UGT1A8: variants seen among roughly 807,000 people sequenced by gnomAD.
UGT1A8 encodes UDP-glucuronosyltransferase 1A8.
Under a neutral mutation model 45.3 loss-of-function variants are expected in UGT1A8, and 39 were observed. That is an observed-to-expected ratio of 0.86 (90% CI 0.67 to 1.12). The LOEUF (loss-of-function observed/expected upper bound fraction) is 1.12. Ranked by LOEUF, UGT1A8 falls within the 50% of genes most tolerant of loss-of-function variation. The pLI, the probability that UGT1A8 is intolerant of heterozygous loss-of-function variation, is 0.00. For missense variants in UGT1A8, 719 were observed against 664.9 expected (o/e 1.08, Z -0.90); for synonymous variants, 275 against 249.2 (o/e 1.10, Z -0.97).
intron 1 of UGT1A8, among the ~76,000 whole-genome samples, chr2:233,643,227 A>G (rs528322254): frequency 6.6e-6 from 1 of 152,270 alleles, no homozygotes; most frequent in South Asian, 2.1e-4. Context: ...TCCACCTGGT[A>G]TTTTATTGTA....
At chr2:233,700,978 T>G (rs2075603422) in intron 1 of UGT1A8, among the ~76,000 whole-genome samples, 1 of 152,172 alleles carries the variant, frequency 6.6e-6, no homozygotes, top group Admixed American at 6.5e-5. Context: ...TGTTTGATTT[T>G]TTGTCCTTGC....
chr2:233,735,645 G>C (rs1395226137), intron 1 of UGT1A8, among the ~76,000 whole-genome samples: 1 of 152,164 alleles, frequency 6.6e-6, no homozygotes, highest in Admixed American at 6.5e-5. Flanking sequence ...GCAGTGGCTG[G>C]TACTGGTGTT....
chr2:233,655,437 A>T (rs921000942), intron 1 of UGT1A8, among the ~76,000 whole-genome samples: 3 of 152,162 alleles, frequency 2.0e-5, no homozygotes, highest in Non-Finnish European at 4.4e-5. Flanking sequence ...TGGCCACATC[A>T]TTAGCAGATT....
intron 1 of UGT1A8, chr2:233,649,060 T>A (rs1381712904): frequency 1.1e-6 from 1 of 947,376 alleles, no homozygotes; most frequent in African/African-American, 1.7e-5. Flanking sequence ...ATTAAAAGTA[T>A]TCTGGATTTG....
chr2:233,726,048 C>T (rs2077495587), intron 1 of UGT1A8, among the ~76,000 whole-genome samples: 1 of 152,078 alleles, frequency 6.6e-6, no homozygotes, highest in African/African-American at 2.4e-5. Context: ...CACCTGTGGT[C>T]CCAGCTACTC....
At position 233,724,363 on chromosome 2, in the gene UGT1A8, CG is replaced by C. The variant is rs1443552589; in HGVS notation, c.856-42667del. On this transcript the variant is annotated intron_variant, in intron 1 of 4. Transcript: ENST00000373450. Reference sequence around the variant, plus strand: ...TGACCCCCCCCACCTCCCTCCCGGACGGGGTGGCTGCCGGGCGGAGACGCTC... The same window carrying C: ...TGACCCCCCCCACCTCCCTCCCGGACGGGTGGCTGCCGGGCGGAGACGCTC... Among the ~76,000 whole-genome samples the C allele has an allele frequency of 1.2e-4, 16 of 136,858 alleles. 1 individual carries two copies. The highest frequency in any genetic ancestry group is 2.1e-4 in the Non-Finnish European group (13 of 62,642). 89.8% of individuals were successfully genotyped at this position (136,858 alleles called of 152,430 possible). A position where few individuals can be genotyped will look rare whatever the true frequency, so the allele number is the denominator to read the frequency against.
At chr2:233,681,628 A>G (rs1311790915) in intron 1 of UGT1A8, among the ~76,000 whole-genome samples, 2 of 151,968 alleles carry the variant, frequency 1.3e-5, no homozygotes, top group Non-Finnish European at 2.9e-5. Context: ...TTATCTTTCA[A>G]TGTCGTCAAG....
At chr2:233,697,854 T>A (rs1429230679) in intron 1 of UGT1A8, among the ~76,000 whole-genome samples, 1 of 152,198 alleles carries the variant, frequency 6.6e-6, no homozygotes, top group Non-Finnish European at 1.5e-5. Flanking sequence ...TAAGCAAAAG[T>A]TATGCATTTA....
At chr2:233,679,964 A>G (rs370640382) in intron 1 of UGT1A8, among the ~76,000 whole-genome samples, 1 of 152,194 alleles carries the variant, frequency 6.6e-6, no homozygotes, top group East Asian at 1.9e-4. Context: ...TCCTGCTGGC[A>G]TAGCTGCAGC....
At chr2:233,669,727 G>A (rs539499315) in intron 1 of UGT1A8, among the ~76,000 whole-genome samples, 109 of 152,042 alleles carry the variant, frequency 7.2e-4, no homozygotes, top group Non-Finnish European at 1.4e-3. Flanking sequence ...TGTTTTGCCC[G>A]GGCTGGAGTA....
chr2:233,736,376 CT>C (rs2078756074), intron 1 of UGT1A8, among the ~76,000 whole-genome samples: 1 of 152,200 alleles, frequency 6.6e-6, no homozygotes, highest in Non-Finnish European at 1.5e-5. Context: ...CATTTAAGGT[CT>C]TCTCTACAGT....
intron 1 of UGT1A8, among the ~76,000 whole-genome samples, chr2:233,696,257 G>A (rs6751673): frequency 0.36 from 54,459 of 152,012 alleles, 10,384 homozygotes; most frequent in African/African-American, 0.49. Flanking sequence ...GCACACATCA[G>A]TGAATGAATG....
In UGT1A8 at chr2:233,755,096, G is replaced by C. The variant is rs62191920; in HGVS notation, c.856-11938G>C. 1.4e-3 allele frequency: 1,898 copies of C among 1,334,450 alleles called. 9 individuals are homozygous for C. The highest frequency in any genetic ancestry group is 1.7e-3 in the Non-Finnish European group (1,703 of 992,024). 82.7% of individuals were successfully genotyped at this position (1,334,450 alleles called of 1,614,324 possible). A position where few individuals can be genotyped will look rare whatever the true frequency, so the allele number is the denominator to read the frequency against. ...GGTCATAGATATCGCGTTTCTACGC[G>C]TCCGACAACACCTCGTAGGCCTCAG... On this transcript the variant is annotated intron_variant, in intron 1 of 4. Transcript: ENST00000373450.
rs371746067 is a variant in UGT1A8, at chr2:233,749,430, ACT to A, written c.856-17603_856-17602del. On this transcript the variant is annotated intron_variant, in intron 1 of 4. Transcript: ENST00000373450. ...TGTTAACTACATTGCTCAAAACTTC[ACT>A]GTCATCTCAGTGGAGCAGAACGAAT... Among the ~76,000 whole-genome samples, 11 of 151,874 alleles carry A rather than the reference ACT, an allele frequency of 7.2e-5. No individual in the cohort carries two copies. In the East Asian group the frequency reaches 1.7e-3, roughly 24 times the overall value.
intron 1 of UGT1A8, chr2:233,741,829 T>C (rs1473126770): frequency 6.6e-6 from 1 of 151,946 alleles, no homozygotes; most frequent in African/African-American, 2.4e-5. Context: ...GCCTATCCAG[T>C]TCAGTTGCCT....
At chr2:233,756,950 A>C (rs1419831234) in intron 1 of UGT1A8, among the ~76,000 whole-genome samples, 3 of 152,034 alleles carry the variant, frequency 2.0e-5, no homozygotes, top group Admixed American at 2.0e-4. Flanking sequence ...TGAAACCCGG[A>C]CTTGGCACTT....
At chr2:233,661,682 T>TCTTTCTTTCTTTCTTTC (rs1559329471) in intron 1 of UGT1A8, among the ~76,000 whole-genome samples, 1 of 150,256 alleles carries the variant, frequency 6.7e-6, no homozygotes, top group Admixed American at 6.7e-5. Context: ...TTTCTTTCTT[T>TCTTTCTTTCTTTCTTTC]TTAAACAAAG....
At chr2:233,757,303 G>A (rs1346705101) in intron 1 of UGT1A8, among the ~76,000 whole-genome samples, 3 of 111,204 alleles carry the variant, frequency 2.7e-5, no homozygotes, top group African/African-American at 6.7e-5. Flanking sequence ...GGGGTTGGGG[G>A]ACAGGGGGGC....
chr2:233,641,766 C>T (rs1012874860), intron 1 of UGT1A8, among the ~76,000 whole-genome samples: 4 of 152,176 alleles, frequency 2.6e-5, no homozygotes. Flanking sequence ...AGGATATTTT[C>T]ACCAGATATA....
Sources: gnomAD v4.1 joint callset for allele counts (sites outside exome capture counted in the v4.1 genomes callset) on GRCh38, gnomAD v4.1.1 for gene constraint, MANE v1.5 for transcripts, NCBI Gene and HGNC (gene_info 2026-07-23, HGNC 2026-07-21) for gene names.